Variants in RCN3 observed in about 807,000 individuals in gnomAD.
RCN3 encodes reticulocalbin-3.
Under a neutral mutation model 35.9 loss-of-function variants are expected in RCN3, and 41 were observed. The observed-to-expected ratio is 1.14, with a 90% confidence interval of 0.89 to 1.48. The LOEUF is 1.48. RCN3 is among the 40% of genes most tolerant of loss of function. The pLI is 0.00. For synonymous variants in RCN3, 187 were observed against 193.4 expected (o/e 0.97, Z 0.27); for missense variants, 451 against 471.3 (o/e 0.96, Z 0.40).
At chr19:49,535,061 C>T (rs1015236227) in intron 3 of RCN3, among the ~76,000 whole-genome samples, 3 of 152,074 alleles carry the variant, frequency 2.0e-5, no homozygotes, top group Admixed American at 1.3e-4. Flanking sequence ...GCTCCGGGGG[C>T]GGGGTTCTTC....
Position 49,534,371 on chromosome 19 carries a change from G to C in RCN3, c.421G>C (p.Ala141Pro). The C allele has an allele frequency of 1.3e-6, 2 of 1,536,234 alleles. No individual in the cohort carries two copies. Among genetic ancestry groups the C allele is most frequent in the Non-Finnish European group, 1.7e-6 (2 of 1,143,290 alleles). ...TGTGGGTTGGGAGGAGCTGCGCAAC[G>C]CCACCTATGGCCACTACGCGCCCGG... ...GRVGWEELRN[A>P]TYGHYAPGEE... The change falls in exon 3 of 7, where the codon GCC (alanine) becomes CCC (proline). Residue 141 changes from alanine (A) to proline (P), a missense_variant. Coordinates refer to ENST00000270645, the MANE Select transcript of RCN3 (RefSeq NM_020650.3).
chr19:49,533,200 AAGGGTGTG>A (rs1358278582), intron 2 of RCN3, among the ~76,000 whole-genome samples: 1 of 152,190 alleles, frequency 6.6e-6, no homozygotes, highest in African/African-American at 2.4e-5. Flanking sequence ...AACCTCAGAG[AAGGGTGTG>A]ATTCCGGGGA....
At chr19:49,538,318 A>G (rs1601216645) in intron 4 of RCN3, among the ~76,000 whole-genome samples, 1 of 148,848 alleles carries the variant, frequency 6.7e-6, no homozygotes, top group Non-Finnish European at 1.5e-5. Flanking sequence ...GCATGCCGCC[A>G]TGCCCGGCTA....
In RCN3 at chr19:49,543,567, C is replaced by T. The variant is rs746286101; in HGVS notation, c.*354C>T. 5 of 270,036 alleles carry T rather than the reference C, an allele frequency of 1.9e-5. No individual in the cohort carries two copies. The highest frequency in any genetic ancestry group is 3.6e-5 in the Non-Finnish European group (5 of 137,368). 16.7% of individuals were successfully genotyped at this position (270,036 alleles called of 1,614,324 possible). A position where few individuals can be genotyped will look rare whatever the true frequency, so the allele number is the denominator to read the frequency against. The stretch of plus-strand genomic sequence containing the variant: ...GACTGAAACTCCCCTGGCCCCAGCC[C>T]TCTCCTGCCTGGCCTGGCCTGGGAC... On this transcript the variant is annotated 3_prime_UTR_variant, in exon 7 of 7. Coordinates refer to ENST00000270645, the MANE Select transcript of RCN3 (RefSeq NM_020650.3).
At chr19:49,532,626 G>A (rs1202781490) in intron 2 of RCN3, among the ~76,000 whole-genome samples, 5 of 151,804 alleles carry the variant, frequency 3.3e-5, no homozygotes, top group African/African-American at 9.7e-5. Context: ...TGCCCACTTC[G>A]GCCTCCCAAA....
rs143967441 is a variant in RCN3, at chr19:49,539,059, C to T, written c.619-60C>T. The stretch of plus-strand genomic sequence containing the variant: ...ACCTCTCACTCTTACCCCAGGGGTC[C>T]AGCCTCCCCCAGGAGCCAGGGTCAT... On this transcript the variant is annotated intron_variant, in intron 4 of 6. Transcript: ENST00000270645. The T allele has an allele frequency of 8.3e-4, 1,095 of 1,314,934 alleles. 9 individuals are homozygous for T. The African/African-American group carries it at 0.015, about 18-fold the overall frequency. 81.5% of individuals were successfully genotyped at this position (1,314,934 alleles called of 1,614,324 possible).
chr19:49,539,134 C>T lies in RCN3; in HGVS notation c.634C>T (p.Leu212=), dbSNP rs1235360452. 1.9e-6 allele frequency: 3 copies of T among 1,608,576 alleles called. No homozygotes were observed. Among genetic ancestry groups the T allele is most frequent in the Non-Finnish European group, 1.7e-6 (2 of 1,178,242 alleles). The change falls in exon 5 of 7, where the codon CTG becomes TTG. Residue 212 remains leucine, a synonymous_variant. Coordinates refer to ENST00000270645, the MANE Select transcript of RCN3 (RefSeq NM_020650.3). ...TCTCCTCCAGGAAACCCTGGAGGAC[C>T]TGGACAGAAACAAAGATGGCTATGT... ...DIVIAETLED[L]DRNKDGYVQV...
intron 2 of RCN3, among the ~76,000 whole-genome samples, chr19:49,529,593 C>T (rs1281627362): frequency 6.6e-6 from 1 of 152,168 alleles, no homozygotes; most frequent in Non-Finnish European, 1.5e-5. Flanking sequence ...CATCTGTCCT[C>T]CTGAAGTTTA....
In RCN3 at chr19:49,535,859, AAAAT is replaced by A. The variant is rs780555688; in HGVS notation, c.446-1172_446-1169del. On this transcript the variant is annotated intron_variant, in intron 3 of 6. Transcript: ENST00000270645. ...AGTGAGACTCTGTCTCAAAAAAAAA[AAAAT>A]ATATATATATATAGATAGATAGATA... is the stretch of plus-strand genomic sequence containing the variant. Among the ~76,000 whole-genome samples the A allele has an allele frequency of 5.1e-5, 7 of 137,258 alleles. No homozygotes were observed. In the East Asian group the frequency reaches 1.3e-3, roughly 26 times the overall value. The allele number at this position is 137,258 out of a possible 152,430, so 90.0% of individuals were successfully genotyped here.
At chr19:49,542,406 G>C (rs1476455156) in intron 5 of RCN3, 147 bp from the exon 6 acceptor site, 1 of 580,150 alleles carries the variant, frequency 1.7e-6, no homozygotes, top group Non-Finnish European at 3.1e-6. Flanking sequence ...TAATTCCATC[G>C]AAACAGAAGA....
Position 49,543,218 on chromosome 19 carries a change from C to A in RCN3, c.*5C>A, listed in dbSNP as rs763971302. ...CGGCACCACGATGAGCTGTGAGCACCGCGCACCTGCCACAGCCTCAGAGGC... is the reference window on the plus strand; with the variant it reads ...CGGCACCACGATGAGCTGTGAGCACAGCGCACCTGCCACAGCCTCAGAGGC... On this transcript the variant is annotated 3_prime_UTR_variant, in exon 7 of 7. Coordinates refer to ENST00000270645, the MANE Select transcript of RCN3 (RefSeq NM_020650.3). The A allele has an allele frequency of 2.4e-5, 39 of 1,598,214 alleles. No individual in the cohort carries two copies. Among genetic ancestry groups the A allele is most frequent in the South Asian group, 1.9e-4 (17 of 90,254 alleles).
rs758026910 is a variant in RCN3, at chr19:49,537,098, C to T, written c.511C>T (p.Arg171Cys). 2.2e-5 allele frequency: 35 copies of T among 1,596,692 alleles called. No homozygotes were observed. Among genetic ancestry groups the T allele is most frequent in the South Asian group, 1.1e-4 (10 of 89,274 alleles). The change falls in exon 4 of 7, where the codon CGT (arginine) becomes TGT (cysteine). Residue 171 changes from arginine (R) to cysteine (C), a missense_variant. Transcript: ENST00000270645. ...AAAGATGCTGGCTCGGGACGAGCGG[C>T]GTTTCCGGGTGGCCGACCAGGATGG... ...YKKMLARDER[R>C]FRVADQDGDS...
At chr19:49,533,223 G>T (rs916471663) in intron 2 of RCN3, among the ~76,000 whole-genome samples, 3 of 152,246 alleles carry the variant, frequency 2.0e-5, no homozygotes, top group Admixed American at 2.0e-4. Context: ...CGGGGACAGA[G>T]TGGGGCCCTA....
In RCN3 at chr19:49,538,563, C is replaced by T. The variant is rs546754739; in HGVS notation, c.619-556C>T. 8.5e-5 allele frequency among the ~76,000 whole-genome samples: 13 copies of T among 152,072 alleles called. 1 individual carries two copies. The highest frequency in any genetic ancestry group is 1.5e-4 in the Non-Finnish European group (10 of 67,972). ...CTGGGCTCAATCGATCCTCCCGCCT[C>T]GGCCTCCCAAAGTGCTGGGATTACA... On this transcript the variant is annotated intron_variant, in intron 4 of 6. Transcript: ENST00000270645.
In RCN3 at chr19:49,528,540, C is replaced by A; in HGVS notation, c.68C>A (p.Ser23Tyr). 6.3e-7 allele frequency: 1 copy of A among 1,575,658 alleles called. No individual in the cohort carries two copies. Among genetic ancestry groups the A allele is most frequent in the Non-Finnish European group, 8.6e-7 (1 of 1,162,556 alleles). ...AGGCACGGGGCCCAGGGGAAGCCATCCCCAGACGCAGGCCCTCATGGCCAG... is the reference window on the plus strand; with the variant it reads ...AGGCACGGGGCCCAGGGGAAGCCATACCCAGACGCAGGCCCTCATGGCCAG... ...LLRHGAQGKP[S>Y]PDAGPHGQGR... The change falls in exon 2 of 7, where the codon TCC (serine) becomes TAC (tyrosine). Residue 23 changes from serine to tyrosine, a missense_variant. Coordinates refer to ENST00000270645, the MANE Select transcript of RCN3 (RefSeq NM_020650.3).
At chr19:49,530,329 T>A (rs1473112034) in intron 2 of RCN3, among the ~76,000 whole-genome samples, 1 of 149,130 alleles carries the variant, frequency 6.7e-6, no homozygotes, top group Non-Finnish European at 1.5e-5. Flanking sequence ...CCAGCTAATT[T>A]TTTTTTTTTT....
At chr19:49,542,231 C>T (rs916260971) in intron 5 of RCN3, among the ~76,000 whole-genome samples, 1 of 152,148 alleles carries the variant, frequency 6.6e-6, no homozygotes, top group Non-Finnish European at 1.5e-5. Context: ...CATCCTCGCA[C>T]GTTCCTCCTG....
At chr19:49,539,673 C>A (rs1016915678) in intron 5 of RCN3, among the ~76,000 whole-genome samples, 9 of 151,992 alleles carry the variant, frequency 5.9e-5, no homozygotes, top group Middle Eastern at 3.4e-3. Flanking sequence ...ACTGTCCCTG[C>A]CCCTAGCGGG....
intron 6 of RCN3, 125 bp from the exon 7 acceptor site, chr19:49,542,981 C>G: frequency 1.1e-6 from 1 of 884,450 alleles, no homozygotes; most frequent in East Asian, 2.6e-5. Flanking sequence ...GGGACAGATT[C>G]AGAGAGAAAG....
Sources: allele counts gnomAD v4.1 joint callset (sites outside exome capture counted in the v4.1 genomes callset), GRCh38; gene constraint gnomAD v4.1.1; transcripts MANE v1.5; gene names NCBI Gene and HGNC (gene_info 2026-07-23, HGNC 2026-07-21).